The following TRAF3IP2 variants were observed in gnomAD, a reference collection of about 807,000 sequenced individuals.
TRAF3IP2 encodes E3 ubiquitin ligase TRAF3IP2.
A neutral mutation model predicts 57.9 loss-of-function variants in TRAF3IP2; 35 were observed. The observed-to-expected ratio is 0.60, with a 90% CI of 0.46 to 0.80. TRAF3IP2 has a LOEUF of 0.80. Ranked by LOEUF, TRAF3IP2 falls within the 30% of genes least tolerant of loss-of-function variation. The pLI is 0.00. For synonymous variants in TRAF3IP2, 251 were observed against 268.9 expected (o/e 0.93, Z 0.65); for missense variants, 556 against 706.4 (o/e 0.79, Z 2.41).
chr6:111,559,748 C>T (rs1343516565), intron 8 of TRAF3IP2, among the ~76,000 whole-genome samples, 197 bp from the exon 9 acceptor site: 1 of 152,182 alleles, frequency 6.6e-6, no homozygotes, highest in Non-Finnish European at 1.5e-5. Context: ...AGCTGTATAT[C>T]TCATTATAAA....
chr6:111,571,248 T>C (rs1358425619), intron 5 of TRAF3IP2, among the ~76,000 whole-genome samples: 4 of 152,070 alleles, frequency 2.6e-5, no homozygotes, highest in African/African-American at 9.7e-5. Flanking sequence ...GCTAATTTTT[T>C]TGTATTTTTT....
intron 1 of TRAF3IP2, chr6:111,597,906 G>A (rs1165140867): frequency 3.9e-5 from 18 of 455,792 alleles, no homozygotes; most frequent in Middle Eastern, 3.2e-4. Context: ...AGAGGGCGGT[G>A]CCTGGATTGA....
chr6:111,566,608 G>C (rs754508933), intron 6 of TRAF3IP2, 48 bp from the exon 7 acceptor site: 1 of 1,530,362 alleles, frequency 6.5e-7, no homozygotes, highest in Admixed American at 1.7e-5. Context: ...GTACCAGCAG[G>C]ACTGTGGGCA....
chr6:111,602,810 C>T (rs1482902880), intron 1 of TRAF3IP2, among the ~76,000 whole-genome samples: 6 of 152,110 alleles, frequency 3.9e-5, no homozygotes, highest in African/African-American at 7.2e-5. Context: ...AATGAGGCAG[C>T]GGAGAGCAAG....
rs1795305564 is a variant in TRAF3IP2, at chr6:111,558,032, A to AG, written c.*1372dup. ...GAGACTCTGTCTCAAACAAAAAAAAAGAAGAAGAAAATGTCTCTGTTAAGA... is the reference window on the plus strand; with the variant it reads ...GAGACTCTGTCTCAAACAAAAAAAAAGGAAGAAGAAAATGTCTCTGTTAAGA... On this transcript the variant is annotated 3_prime_UTR_variant, in exon 9 of 9. Coordinates refer to ENST00000368761, the MANE Select transcript of TRAF3IP2 (RefSeq NM_147686.4). The AG allele has an allele frequency of 6.6e-6, 1 of 152,014 alleles. No individual in the cohort carries two copies. Among genetic ancestry groups the AG allele is most frequent in the South Asian group, 2.1e-4 (1 of 4,824 alleles). 9.4% of individuals were successfully genotyped at this position (152,014 alleles called of 1,614,324 possible).
At chr6:111,576,133 AAGT>A (rs1795978795) in intron 3 of TRAF3IP2, among the ~76,000 whole-genome samples, 1 of 152,194 alleles carries the variant, frequency 6.6e-6, no homozygotes, top group South Asian at 2.1e-4. Flanking sequence ...CAACAAAACA[AAGT>A]AGTATGACAG....
At chr6:111,582,773 T>TA (rs1031590030) in intron 2 of TRAF3IP2, among the ~76,000 whole-genome samples, 24 of 152,186 alleles carry the variant, frequency 1.6e-4, no homozygotes, top group African/African-American at 5.8e-4. Flanking sequence ...GGACTGCACT[T>TA]ACAATCCACC....
At chr6:111,596,902 G>A (rs1196437902) in intron 1 of TRAF3IP2, among the ~76,000 whole-genome samples, 1 of 152,184 alleles carries the variant, frequency 6.6e-6, no homozygotes, top group Non-Finnish European at 1.5e-5. Flanking sequence ...TGGCCTGGGG[G>A]CATGATTTTT....
At chr6:111,593,302 G>A (rs941748376) in intron 1 of TRAF3IP2, among the ~76,000 whole-genome samples, 4 of 151,320 alleles carry the variant, frequency 2.6e-5, no homozygotes, top group Non-Finnish European at 4.4e-5. Context: ...GATCCATGTC[G>A]CATTTCAACC....
At chr6:111,574,428 C>T (rs1176630811) in intron 4 of TRAF3IP2, among the ~76,000 whole-genome samples, 2 of 152,230 alleles carry the variant, frequency 1.3e-5, no homozygotes, top group Admixed American at 6.5e-5. Flanking sequence ...ACTGTCCTGA[C>T]TGACCTTAAT....
rs114079708 is a variant in TRAF3IP2, at chr6:111,596,114, G to A, written c.-8-4020C>T. 3.1e-3 allele frequency among the ~76,000 whole-genome samples: 466 copies of A among 152,156 alleles called. 3 individuals carry two copies. The highest frequency in any genetic ancestry group is 0.011 in the African/African-American group (449 of 41,506). Reference sequence around the variant, plus strand: ...TCTCCCTGGTCGCACTCCCTAAAATGTTTACACTCTCCTCTCATTCCCATC... The same window carrying A: ...TCTCCCTGGTCGCACTCCCTAAAATATTTACACTCTCCTCTCATTCCCATC... On this transcript the variant is annotated intron_variant, in intron 1 of 8. Transcript: ENST00000368761.
At chr6:111,594,071 C>G (rs1396972037) in intron 1 of TRAF3IP2, among the ~76,000 whole-genome samples, 1 of 143,768 alleles carries the variant, frequency 7.0e-6, no homozygotes, top group African/African-American at 2.5e-5. Context: ...GTGGAGGTTG[C>G]AGTGAGCTGA....
chr6:111,579,450 A>G (rs762550476), intron 3 of TRAF3IP2, among the ~76,000 whole-genome samples: 5 of 152,102 alleles, frequency 3.3e-5, no homozygotes, highest in Non-Finnish European at 7.4e-5. Context: ...AGAAAATAAT[A>G]GGCCAGGCAC....
chr6:111,592,809 G>T (rs1030149054), intron 1 of TRAF3IP2, among the ~76,000 whole-genome samples: 2 of 151,952 alleles, frequency 1.3e-5, no homozygotes, highest in Non-Finnish European at 2.9e-5. Flanking sequence ...ATTGAAAAAA[G>T]GTCAGAGTGA....
At chr6:111,559,939 C>T (rs1419956814) in intron 8 of TRAF3IP2, among the ~76,000 whole-genome samples, 1 of 152,222 alleles carries the variant, frequency 6.6e-6, no homozygotes, top group Non-Finnish European at 1.5e-5. Flanking sequence ...ATTCATTACT[C>T]TTTCACTCCA....
intron 1 of TRAF3IP2, chr6:111,597,984 A>C: frequency 4.5e-6 from 2 of 442,110 alleles, no homozygotes; most frequent in South Asian, 3.2e-5. Flanking sequence ...GGAACAGGAG[A>C]CCTGCCAACT....
rs1465212188 is a variant in TRAF3IP2 at position 111,555,610 on chromosome 6, A to G, written c.*3795T>C. On this transcript the variant is annotated 3_prime_UTR_variant, in exon 9 of 9. Transcript: ENST00000368761. ...GTCATCAAATATTAGGTAAGAACCT[A>G]ACCTTGCATTCCACAAACCCACCCC... Among the ~76,000 whole-genome samples the G allele has an allele frequency of 6.6e-6, 1 of 152,228 alleles. No homozygotes were observed. The highest frequency in any genetic ancestry group is 2.4e-5 in the African/African-American group (1 of 41,466).
chr6:111,575,416 G>A (rs1343846836), intron 4 of TRAF3IP2, among the ~76,000 whole-genome samples: 2 of 151,624 alleles, frequency 1.3e-5, no homozygotes, highest in African/African-American at 4.8e-5. Flanking sequence ...GGGAAACCCC[G>A]TCTCTACTAA....
chr6:111,579,668 G>A (rs74954073), intron 3 of TRAF3IP2, among the ~76,000 whole-genome samples: 7,261 of 152,134 alleles, frequency 0.048, 323 homozygotes, highest in African/African-American at 0.11. Context: ...TAAGGTAGAG[G>A]TTGCAGTGAG....
Sources: gnomAD v4.1 joint callset for allele counts (sites outside exome capture counted in the v4.1 genomes callset) on GRCh38, gnomAD v4.1.1 for gene constraint, MANE v1.5 for transcripts, NCBI Gene and HGNC (gene_info 2026-07-23, HGNC 2026-07-21) for gene names.